Variants in CEP128 observed in about 807,000 individuals in gnomAD.
The protein encoded by CEP128 is centrosomal protein 128.
Under a neutral mutation model 156.7 loss-of-function variants are expected in CEP128, and 132 were observed. That is an observed-to-expected ratio of 0.84 (90% CI 0.73 to 0.97). The LOEUF (loss-of-function observed/expected upper bound fraction) is 0.97. Ranked by LOEUF, CEP128 falls within the 50% of genes least tolerant of loss-of-function variation. The probability of loss-of-function intolerance (pLI) is 0.00; values close to 1 mark genes in which losing one functional copy is unlikely to be tolerated. For missense variants in CEP128, 1,252 were observed against 1,281.9 expected (o/e 0.98, Z 0.36); for synonymous variants, 469 against 448.9 (o/e 1.04, Z -0.57).
intron 24 of CEP128, among the ~76,000 whole-genome samples, chr14:80,501,670 T>C (rs1045844963): frequency 4.0e-5 from 6 of 151,570 alleles, no homozygotes; most frequent in Admixed American, 3.3e-4. Flanking sequence ...ACGCCTGGCT[T>C]ATTTTTTGTG....
At chr14:80,905,064 G>T in intron 5 of CEP128, 133 bp from the exon 6 acceptor site, 1 of 589,954 alleles carries the variant, frequency 1.7e-6, no homozygotes. Context: ...TATTTCCCAA[G>T]TATCTTGCTA....
chr14:80,500,777 C>T (rs952774325), intron 24 of CEP128, among the ~76,000 whole-genome samples: 1 of 152,192 alleles, frequency 6.6e-6, no homozygotes, highest in South Asian at 2.1e-4. Context: ...CCACACCCAC[C>T]CCCTTCTCCT....
intron 20 of CEP128, among the ~76,000 whole-genome samples, chr14:80,561,345 A>G (rs958471341): frequency 1.3e-5 from 2 of 152,198 alleles, no homozygotes; most frequent in African/African-American, 4.8e-5. Context: ...GGTGACTTGT[A>G]TATTGTCACA....
chr14:80,856,432 G>T (rs1271238015), intron 9 of CEP128, among the ~76,000 whole-genome samples: 1 of 152,142 alleles, frequency 6.6e-6, no homozygotes, highest in East Asian at 1.9e-4. Context: ...GATCACTTGA[G>T]TCCAGAGTCT....
At chr14:80,741,826 G>T (rs1360277217) in intron 19 of CEP128, among the ~76,000 whole-genome samples, 1 of 151,598 alleles carries the variant, frequency 6.6e-6, no homozygotes, top group Non-Finnish European at 1.5e-5. Flanking sequence ...CAGTAGTTTC[G>T]CTGCCTTTCA....
intron 9 of CEP128, among the ~76,000 whole-genome samples, chr14:80,845,078 C>G (rs1886532687): frequency 6.6e-6 from 1 of 152,076 alleles, no homozygotes; most frequent in South Asian, 2.1e-4. Context: ...AATGAATCAG[C>G]AAAAATTCAA....
intron 19 of CEP128, among the ~76,000 whole-genome samples, chr14:80,597,950 CAA>C (rs34001813): frequency 2.5e-5 from 2 of 80,136 alleles, no homozygotes; most frequent in African/African-American, 5.0e-5. Flanking sequence ...TCCTCAGCTA[CAA>C]AAAAAAAAAA....
chr14:80,851,074 GTGAAATTTACCAAGAA>G (rs781051557), intron 9 of CEP128, among the ~76,000 whole-genome samples: 7 of 152,112 alleles, frequency 4.6e-5, no homozygotes, highest in Non-Finnish European at 7.4e-5. Flanking sequence ...AAATCTTGGA[GTGAAATTTACCAAGAA>G]TGTTATATGC....
At chr14:80,486,745 C>T (rs563623165), downstream of CEP128, among the ~76,000 whole-genome samples, 6 of 152,148 alleles carry the variant, frequency 3.9e-5, no homozygotes, top group South Asian at 8.3e-4. Flanking sequence ...ATTTTCAATC[C>T]AGAATTTCAT....
intron 13 of CEP128, among the ~76,000 whole-genome samples, chr14:80,796,111 T>C (rs946415602): frequency 6.6e-6 from 1 of 152,236 alleles, no homozygotes; most frequent in African/African-American, 2.4e-5. Flanking sequence ...TTCAGTTCAC[T>C]TGGTTCACTA....
At chr14:80,604,538 T>G (rs1031863060) in intron 19 of CEP128, among the ~76,000 whole-genome samples, 1 of 152,106 alleles carries the variant, frequency 6.6e-6, no homozygotes, top group Non-Finnish European at 1.5e-5. Context: ...ATCTGCAATG[T>G]CCTTCCTGAC....
intron 19 of CEP128, among the ~76,000 whole-genome samples, chr14:80,593,298 G>A (rs1892162727): frequency 6.6e-6 from 1 of 152,066 alleles, no homozygotes; most frequent in African/African-American, 2.4e-5. Context: ...TGTAATCCCT[G>A]CCACTGAGGA....
At chr14:80,880,199 A>C (rs1363468544) in intron 8 of CEP128, among the ~76,000 whole-genome samples, 1 of 152,214 alleles carries the variant, frequency 6.6e-6, no homozygotes, top group East Asian at 1.9e-4. Flanking sequence ...GTCATACATC[A>C]TATTAACAGG....
intron 19 of CEP128, among the ~76,000 whole-genome samples, chr14:80,645,872 G>A (rs1003000053): frequency 2.6e-5 from 4 of 152,006 alleles, no homozygotes; most frequent in African/African-American, 9.7e-5. Flanking sequence ...TCCAGACAAT[G>A]GAATATGATT....
chr14:80,517,789 AG>A lies in CEP128; in HGVS notation c.3072+9079del, dbSNP rs1227653827. 2.0e-5 allele frequency among the ~76,000 whole-genome samples: 3 copies of A among 152,140 alleles called. No homozygotes were observed. In the East Asian group the frequency reaches 5.8e-4, roughly 29 times the overall value. ...TACTAGAAGCTGTGGGTCATGGAAGAGAACCGTGGAACCTAGCAACTAGTGT... is the reference window on the plus strand; with the variant it reads ...TACTAGAAGCTGTGGGTCATGGAAGAAACCGTGGAACCTAGCAACTAGTGT... On this transcript the variant is annotated intron_variant, in intron 23 of 24. Transcript: ENST00000555265.
chr14:80,740,477 CAG>C (rs1286577012), intron 19 of CEP128, among the ~76,000 whole-genome samples: 2 of 147,176 alleles, frequency 1.4e-5, no homozygotes, highest in Non-Finnish European at 3.0e-5. Flanking sequence ...CACACACACA[CAG>C]ATTCATATTT....
chr14:80,510,843 CT>C (rs1308006133), intron 23 of CEP128, among the ~76,000 whole-genome samples: 1 of 151,548 alleles, frequency 6.6e-6, no homozygotes, highest in Non-Finnish European at 1.5e-5. Context: ...TTATCAAATG[CT>C]TTTTCAATAT....
At chr14:80,515,127 A>T (rs1888429804) in intron 23 of CEP128, among the ~76,000 whole-genome samples, 1 of 152,142 alleles carries the variant, frequency 6.6e-6, no homozygotes, top group Admixed American at 6.5e-5. Context: ...GATGAGGGAG[A>T]GGTGATAGAA....
chr14:80,487,925 GA>G (rs1887205573), downstream of CEP128, among the ~76,000 whole-genome samples: 1 of 151,686 alleles, frequency 6.6e-6, no homozygotes, highest in Non-Finnish European at 1.5e-5. Flanking sequence ...GAGAAAGCAA[GA>G]AAGATCCAAA....
Sources: allele counts gnomAD v4.1 joint callset (sites outside exome capture counted in the v4.1 genomes callset), GRCh38; gene constraint gnomAD v4.1.1; transcripts MANE v1.5; gene names NCBI Gene and HGNC (gene_info 2026-07-23, HGNC 2026-07-21).